Variants in PEPD observed in about 807,000 individuals in gnomAD.
The protein encoded by PEPD is xaa-Pro dipeptidase.
A neutral mutation model predicts 60.7 loss-of-function variants in PEPD; 53 were observed. That is an observed-to-expected ratio of 0.87 (90% CI 0.70 to 1.10). PEPD has a LOEUF of 1.10. Among genes scored for constraint, PEPD ranks in the 50% least tolerant of loss-of-function variants. The probability of loss-of-function intolerance (pLI) is 0.00; values close to 1 mark genes in which losing one functional copy is unlikely to be tolerated. For missense variants in PEPD, 711 were observed against 711.9 expected (o/e 1.00, Z 0.01); for synonymous variants, 267 against 284.1 (o/e 0.94, Z 0.60).
chr19:33,495,717 G>C (rs1600162187), intron 4 of PEPD, among the ~76,000 whole-genome samples: 1 of 152,056 alleles, frequency 6.6e-6, no homozygotes, highest in African/African-American at 2.4e-5. Context: ...GGGTGTGGTG[G>C]CTCATGCCTG....
At chr19:33,437,162 C>T (rs941110185) in intron 9 of PEPD, among the ~76,000 whole-genome samples, 1 of 152,248 alleles carries the variant, frequency 6.6e-6, no homozygotes, top group Admixed American at 6.5e-5. Flanking sequence ...CACCGGGCTC[C>T]GGCCCTCGGA....
intron 9 of PEPD, among the ~76,000 whole-genome samples, chr19:33,435,034 G>T (rs995118972): frequency 1.3e-5 from 2 of 152,200 alleles, no homozygotes; most frequent in African/African-American, 4.8e-5. Flanking sequence ...GAGCCGGAAT[G>T]CGATGCCAGA....
intron 11 of PEPD, among the ~76,000 whole-genome samples, chr19:33,405,207 C>T (rs1600088508): frequency 6.6e-6 from 1 of 152,206 alleles, no homozygotes; most frequent in East Asian, 1.9e-4. Flanking sequence ...CACCACTGGC[C>T]CACCCAGACC....
intron 14 of PEPD, 75 bp downstream of exon 14, chr19:33,387,814 TG>T (rs1489784569): frequency 8.0e-7 from 1 of 1,243,838 alleles, no homozygotes; most frequent in African/African-American, 1.5e-5. Flanking sequence ...GCCCCTGTCT[TG>T]GGACTAAGGA....
chr19:33,485,870 G>A (rs151077688), intron 6 of PEPD, among the ~76,000 whole-genome samples: 7 of 151,820 alleles, frequency 4.6e-5, no homozygotes, highest in African/African-American at 4.8e-5. Flanking sequence ...GGCAGGAAAC[G>A]GAGCCCCTGT....
At chr19:33,426,997 G>A (rs78293394) in intron 9 of PEPD, among the ~76,000 whole-genome samples, 5,991 of 152,320 alleles carry the variant, frequency 0.039, 170 homozygotes, top group East Asian at 0.08. Flanking sequence ...GCAGCGAACC[G>A]GCTGTTAGGC....
chr19:33,410,661 A>G (rs1968743494), intron 11 of PEPD, among the ~76,000 whole-genome samples: 3 of 152,284 alleles, frequency 2.0e-5, no homozygotes, highest in South Asian at 2.1e-4. Context: ...CTCAGAGGAC[A>G]TGCCATGCTG....
Position 33,391,501 on chromosome 19 carries a change from C to G in PEPD, c.968-22G>C, listed in dbSNP as rs770576255. The G allele has an allele frequency of 4.5e-6, 7 of 1,546,480 alleles. No individual in the cohort carries two copies. In the East Asian group the frequency reaches 1.5e-4, roughly 32 times the overall value. Reference sequence around the variant, plus strand: ...ACACCTGTGGGCCAGAGGGAGCTGCCGTGAGCCACAGAGCCCAGCAGCCAA... The same window carrying G: ...ACACCTGTGGGCCAGAGGGAGCTGCGGTGAGCCACAGAGCCCAGCAGCCAA... On this transcript the variant is annotated intron_variant, in intron 12 of 14. Coordinates refer to ENST00000244137, the MANE Select transcript of PEPD (RefSeq NM_000285.4).
At chr19:33,395,849 G>A (rs552752535) in intron 12 of PEPD, among the ~76,000 whole-genome samples, 1 of 152,226 alleles carries the variant, frequency 6.6e-6, no homozygotes, top group South Asian at 2.1e-4. Context: ...GGCTCCGGCC[G>A]GGGTCCCAGG....
chr19:33,514,165 G>A (rs139681467), intron 1 of PEPD, among the ~76,000 whole-genome samples: 3 of 152,302 alleles, frequency 2.0e-5, no homozygotes, highest in African/African-American at 7.2e-5. Flanking sequence ...AGCAGGGGCA[G>A]GGTGTGCAGG....
chr19:33,446,550 G>A (rs1455759579), intron 9 of PEPD, among the ~76,000 whole-genome samples: 1 of 152,168 alleles, frequency 6.6e-6, no homozygotes, highest in East Asian at 1.9e-4. Context: ...AAGCCTCTGC[G>A]ACCTCTCAGC....
chr19:33,431,810 T>C (rs1969279357), intron 9 of PEPD, among the ~76,000 whole-genome samples: 1 of 151,832 alleles, frequency 6.6e-6, no homozygotes, highest in African/African-American at 2.4e-5. Flanking sequence ...CTGGCCAGTA[T>C]GGCAAAACCC....
intron 1 of PEPD, among the ~76,000 whole-genome samples, chr19:33,517,902 G>A (rs1191472408): frequency 6.6e-6 from 1 of 151,826 alleles, no homozygotes; most frequent in Non-Finnish European, 1.5e-5. Flanking sequence ...GGGAGGCGGA[G>A]GTTGCAGTGA....
At chr19:33,421,962 C>T (rs993918877) in intron 9 of PEPD, among the ~76,000 whole-genome samples, 1 of 152,016 alleles carries the variant, frequency 6.6e-6, no homozygotes, top group African/African-American at 2.4e-5. Context: ...CTGCTTCAGC[C>T]CTTGTCCCCT....
chr19:33,458,251 G>A (rs1969848295), intron 9 of PEPD, among the ~76,000 whole-genome samples: 2 of 151,872 alleles, frequency 1.3e-5, no homozygotes, highest in South Asian at 4.2e-4. Flanking sequence ...GGCATGCGAT[G>A]TGTGGTGTGT....
At chr19:33,449,894 T>C (rs1424621473) in intron 9 of PEPD, among the ~76,000 whole-genome samples, 2 of 152,064 alleles carry the variant, frequency 1.3e-5, no homozygotes, top group African/African-American at 4.8e-5. Flanking sequence ...AGGTCTCAGG[T>C]AGCAGGACCC....
At chr19:33,414,064 C>A (rs1249901901) in intron 9 of PEPD, among the ~76,000 whole-genome samples, 1 of 152,206 alleles carries the variant, frequency 6.6e-6, no homozygotes, top group African/African-American at 2.4e-5. Flanking sequence ...CAGAGGCCAC[C>A]ACCCACCCTG....
intron 3 of PEPD, among the ~76,000 whole-genome samples, chr19:33,504,807 G>T (rs887301146): frequency 6.6e-6 from 1 of 151,990 alleles, no homozygotes; most frequent in African/African-American, 2.4e-5. Flanking sequence ...GGATGGGTCA[G>T]CAGAGAAGCT....
chr19:33,462,024 A>G (rs1969934741), intron 9 of PEPD, among the ~76,000 whole-genome samples: 1 of 152,216 alleles, frequency 6.6e-6, no homozygotes, highest in Admixed American at 6.5e-5. Context: ...GCACAGCCAC[A>G]GCGAACTGAA....
Sources: allele counts gnomAD v4.1 joint callset (sites outside exome capture counted in the v4.1 genomes callset), GRCh38; gene constraint gnomAD v4.1.1; transcripts MANE v1.5; gene names NCBI Gene and HGNC (gene_info 2026-07-23, HGNC 2026-07-21).